Variants in DCHS2 observed in about 807,000 individuals in gnomAD.
DCHS2 encodes protocadherin-23.
In DCHS2, 142 loss-of-function variants were observed where a neutral mutation model predicts 182.4. That is an observed-to-expected ratio of 0.78 (90% CI 0.68 to 0.89). DCHS2 has a LOEUF of 0.89. DCHS2 is among the 40% of genes least tolerant of loss of function. The pLI is 0.00. For synonymous variants in DCHS2, 1,740 were observed against 1,663.3 expected, an observed-to-expected ratio of 1.05 and a Z score of -1.12; for missense variants, 4,319 against 4,198.6, an observed-to-expected ratio of 1.03 and a Z score of -0.79.
chr4:154,280,450 T>G (rs1031660935), intron 13 of DCHS2, among the ~76,000 whole-genome samples: 2 of 152,146 alleles, frequency 1.3e-5, no homozygotes, highest in African/African-American at 2.4e-5. Context: ...ATCTCCCTGA[T>G]AAATATATAT....
At chr4:154,334,551 CA>C in intron 4 of DCHS2, 1 of 236,786 alleles carries the variant, frequency 4.2e-6, no homozygotes, top group Non-Finnish European at 8.2e-6. Context: ...GCATTTTTGT[CA>C]AAAATTTGTA....
intron 3 of DCHS2, 97 bp from the exon 4 acceptor site, chr4:154,335,201 T>C (rs1168422799): frequency 2.4e-6 from 2 of 829,240 alleles, no homozygotes; most frequent in Non-Finnish European, 4.1e-6. Context: ...TTGTGATGTT[T>C]TATTTTATGT....
chr4:154,302,958 CACACACACACCCACACACACACAT>C (rs1289725921), intron 12 of DCHS2, among the ~76,000 whole-genome samples: 1 of 66,592 alleles, frequency 1.5e-5, no homozygotes, highest in Non-Finnish European at 2.4e-5. Context: ...CACACACACA[CACACACACACCCACACACACACAT>C]ATTTTTTTTT....
intron 16 of DCHS2, among the ~76,000 whole-genome samples, chr4:154,249,699 G>A (rs543955728): frequency 6.6e-6 from 1 of 152,190 alleles, no homozygotes; most frequent in African/African-American, 2.4e-5. Context: ...AGGAAAATGT[G>A]ATCTATGCAG....
At chr4:154,271,740 T>A (rs1733607093) in intron 13 of DCHS2, among the ~76,000 whole-genome samples, 1 of 152,174 alleles carries the variant, frequency 6.6e-6, no homozygotes, top group South Asian at 2.1e-4. Context: ...TGTAAAAGTA[T>A]TTTTTTACTT....
intron 10 of DCHS2, among the ~76,000 whole-genome samples, chr4:154,313,835 A>C (rs1281104812): frequency 6.6e-6 from 1 of 152,202 alleles, no homozygotes; most frequent in Non-Finnish European, 1.5e-5. Flanking sequence ...ATCATCCATT[A>C]ATTCAGAAAA....
chr4:154,460,908 A>ATT (rs2110997290), intron 1 of DCHS2, among the ~76,000 whole-genome samples: 1 of 152,314 alleles, frequency 6.6e-6, no homozygotes, highest in Non-Finnish European at 1.5e-5. Context: ...TAAAAACCCT[A>ATT]TTTTCAGCCT....
rs1359236915 is a variant in DCHS2, at chr4:154,236,684, A to G, written c.7968T>C (p.Leu2656=). ...AGTTTGGGGGATTGTCATTGACATC[A>G]AGTACTTGTATTGATATGACAGCTG... ...SSTAVISIQV[L]DVNDNPPNFS... is the part of the protein sequence containing the mutation. Residue 2656 remains leucine, a synonymous_variant, in exon 20 of 20, where the codon CTT becomes CTC. Coordinates refer to ENST00000357232, the MANE Select transcript of DCHS2 (RefSeq NM_001358235.2). 1.2e-6 allele frequency: 2 copies of G among 1,614,026 alleles called. No homozygotes were observed. The highest frequency in any genetic ancestry group is 1.7e-6 in the Non-Finnish European group (2 of 1,179,960).
At chr4:154,391,704 T>C (rs1307472014) in intron 1 of DCHS2, among the ~76,000 whole-genome samples, 5 of 152,132 alleles carry the variant, frequency 3.3e-5, no homozygotes, top group Admixed American at 2.6e-4. Flanking sequence ...TTTCAATGTT[T>C]TGGGGGTTCT....
Position 154,234,997 on chromosome 4 carries a change from A to G in DCHS2, c.9655T>C (p.Ser3219Pro). The G allele has an allele frequency of 6.2e-7, 1 of 1,614,030 alleles. No homozygotes were observed. The highest frequency in any genetic ancestry group is 8.5e-7 in the Non-Finnish European group (1 of 1,179,960). The change falls in exon 20 of 20, where the codon TCA becomes CCA. Residue 3219 changes from serine to proline, a missense_variant. Physicochemically the swap from Ser to Pro is moderately conservative, Grantham distance 74. Transcript: ENST00000357232. The part of the protein sequence containing the change: ...GDQEVRCAAL[S>P]TQTTSDHDGK... ...TCATGATCAGAGGTCGTCTGAGTTGAAAGAGCTGCACACCTTACTTCCTGA... is the reference window on the plus strand; with the variant it reads ...TCATGATCAGAGGTCGTCTGAGTTGGAAGAGCTGCACACCTTACTTCCTGA...
chr4:154,275,320 T>C (rs1475490619), intron 13 of DCHS2, among the ~76,000 whole-genome samples: 1 of 152,132 alleles, frequency 6.6e-6, no homozygotes, highest in Non-Finnish European at 1.5e-5. Flanking sequence ...ACAAACATTA[T>C]GCTTAACATA....
In DCHS2 at chr4:154,293,965, G is replaced by GT. The variant is rs199961145; in HGVS notation, c.6463+3885dup. 1.8e-3 allele frequency among the ~76,000 whole-genome samples: 273 copies of GT among 151,466 alleles called. 2 individuals are homozygous for GT. The East Asian group carries it at 0.027, about 15-fold the overall frequency. On this transcript the variant is annotated intron_variant, in intron 13 of 19. Transcript: ENST00000357232. ...CCGACCCTTCCCTCTTACCCCATGA[G>GT]TTTTTTTTTCCTCATTTGTGCATAT...
At chr4:154,240,068 A>C (rs377592586) in intron 18 of DCHS2, among the ~76,000 whole-genome samples, 1 of 152,268 alleles carries the variant, frequency 6.6e-6, no homozygotes. Context: ...GTTGAATGCT[A>C]TCCTTGCCCT....
intron 3 of DCHS2, among the ~76,000 whole-genome samples, chr4:154,356,133 G>A (rs767681772): frequency 1.3e-5 from 2 of 151,990 alleles, no homozygotes; most frequent in African/African-American, 2.4e-5. Context: ...ATGTGGAGGT[G>A]GAAGACAGTG....
chr4:154,247,736 C>G lies in DCHS2; in HGVS notation c.6942-4964G>C, dbSNP rs141093486. Among the ~76,000 whole-genome samples, 15 of 151,202 alleles carry G rather than the reference C, an allele frequency of 9.9e-5. No homozygotes were observed. In the East Asian group the frequency reaches 2.9e-3, roughly 29 times the overall value. On this transcript the variant is annotated intron_variant, in intron 16 of 19. Coordinates refer to ENST00000357232, the MANE Select transcript of DCHS2 (RefSeq NM_001358235.2). ...GGTTTCAGAGAATAACACAGCAATG[C>G]CTTCAAAATTCTAAAAGATACTTTC...
At chr4:154,311,208 T>A (rs143921905) in intron 10 of DCHS2, among the ~76,000 whole-genome samples, 1 of 152,062 alleles carries the variant, frequency 6.6e-6, no homozygotes, top group Non-Finnish European at 1.5e-5. Context: ...TCCAGGGGTG[T>A]GTTATTTTTA....
chr4:154,240,417 A>T, intron 18 of DCHS2, 120 bp downstream of exon 18: 2 of 1,207,928 alleles, frequency 1.7e-6, no homozygotes, highest in African/African-American at 1.5e-5. Context: ...GCGTTAACTT[A>T]GGCACTACAA....
At chr4:154,439,650 T>C (rs894449007) in intron 1 of DCHS2, among the ~76,000 whole-genome samples, 1 of 152,220 alleles carries the variant, frequency 6.6e-6, no homozygotes, top group Non-Finnish European at 1.5e-5. Flanking sequence ...TTCCATACTG[T>C]CATTTTCTTT....
intron 1 of DCHS2, among the ~76,000 whole-genome samples, chr4:154,415,387 C>A (rs1213841439): frequency 6.6e-6 from 1 of 152,148 alleles, no homozygotes; most frequent in African/African-American, 2.4e-5. Context: ...TTTTCAGTAG[C>A]CTCAGGTTTC....
Sources: gnomAD v4.1 joint callset for allele counts (sites outside exome capture counted in the v4.1 genomes callset) on GRCh38, gnomAD v4.1.1 for gene constraint, MANE v1.5 for transcripts, NCBI Gene and HGNC (gene_info 2026-07-23, HGNC 2026-07-21) for gene names.